Variants in FHIT observed in about 807,000 individuals in gnomAD.
The protein encoded by FHIT is bis(5'-adenosyl)-triphosphatase.
A neutral mutation model predicts 17.9 loss-of-function variants in FHIT; 19 were observed. That is an observed-to-expected ratio of 1.06 (90% CI 0.74 to 1.56). The LOEUF (loss-of-function observed/expected upper bound fraction) is 1.56. FHIT is among the 40% of genes most tolerant of loss of function. The probability of loss-of-function intolerance (pLI) is 0.00; values close to 1 mark genes in which losing one functional copy is unlikely to be tolerated. For synonymous variants in FHIT, 81 were observed against 69.7 expected (o/e 1.16, Z -0.81); for missense variants, 248 against 189.2 (o/e 1.31, Z -1.82).
rs1347692858 is a variant in FHIT, at chr3:61,206,283, A to G, written c.-212-5618T>C. On this transcript the variant is annotated intron_variant, in intron 1 of 9. Coordinates refer to ENST00000492590, the MANE Select transcript of FHIT (RefSeq NM_002012.4). ...TCCAGCTCTGTTCTTTTGGCTTAGG[A>G]TTGACTTGGTGATGCAGGCTCTTTT... Among the ~76,000 whole-genome samples, 2 of 130,372 alleles carry G rather than the reference A, an allele frequency of 1.5e-5. 1 individual carries two copies. Among genetic ancestry groups the G allele is most frequent in the Non-Finnish European group, 3.3e-5 (2 of 61,358 alleles). 85.5% of individuals were successfully genotyped at this position (130,372 alleles called of 152,430 possible). A position where few individuals can be genotyped will look rare whatever the true frequency, so the allele number is the denominator to read the frequency against.
intron 3 of FHIT, among the ~76,000 whole-genome samples, chr3:61,004,875 A>T (rs1475589844): frequency 6.6e-6 from 1 of 152,214 alleles, no homozygotes; most frequent in Non-Finnish European, 1.5e-5. Flanking sequence ...ATGCACTCAA[A>T]CATACCTCAA....
chr3:60,554,160 G>T (rs1382809352), intron 4 of FHIT, among the ~76,000 whole-genome samples: 1 of 151,740 alleles, frequency 6.6e-6, no homozygotes, highest in Admixed American at 6.6e-5. Context: ...TTTCTACACT[G>T]AAGGACAAAG....
intron 4 of FHIT, among the ~76,000 whole-genome samples, chr3:60,569,755 A>ATATATATATATATATATATATT: frequency 6.5e-5 from 5 of 77,336 alleles, no homozygotes; most frequent in African/African-American, 1.5e-4. Flanking sequence ...ATATATATAT[A>ATATATATATATATATATATATT]TTTTTTTTTT....
chr3:60,461,298 A>AC (rs1487122239), intron 5 of FHIT, among the ~76,000 whole-genome samples: 1 of 152,162 alleles, frequency 6.6e-6, no homozygotes, highest in Non-Finnish European at 1.5e-5. Flanking sequence ...AATGGTAGAA[A>AC]CCCAAGACGT....
At chr3:59,933,942 C>G (rs762285083) in intron 7 of FHIT, among the ~76,000 whole-genome samples, 1 of 152,052 alleles carries the variant, frequency 6.6e-6, no homozygotes. Context: ...TTCATGAAAC[C>G]TCCAACATGT....
At chr3:61,228,775 A>G (rs1385078922) in intron 1 of FHIT, among the ~76,000 whole-genome samples, 1 of 152,216 alleles carries the variant, frequency 6.6e-6, no homozygotes, top group Non-Finnish European at 1.5e-5. Context: ...TGAACTTCAC[A>G]TAAGAAACCT....
rs898546207 is a variant in FHIT at position 60,528,680 on chromosome 3, C to G, written c.103+8180G>C. Among the ~76,000 whole-genome samples, 11 of 152,266 alleles carry G rather than the reference C, an allele frequency of 7.2e-5. No homozygotes were observed. The East Asian group carries it at 2.1e-3, about 29-fold the overall frequency. On this transcript the variant is annotated intron_variant, in intron 5 of 9. Coordinates refer to ENST00000492590, the MANE Select transcript of FHIT (RefSeq NM_002012.4). ...AAAGGAGCTTCTTCCATCTGTTTTTCTCCCTCTAAAATCTCCCTCTAAAAT... is the reference window on the plus strand; with the variant it reads ...AAAGGAGCTTCTTCCATCTGTTTTTGTCCCTCTAAAATCTCCCTCTAAAAT...
At chr3:59,960,728 T>G (rs1707633876) in intron 7 of FHIT, among the ~76,000 whole-genome samples, 1 of 152,230 alleles carries the variant, frequency 6.6e-6, no homozygotes, top group African/African-American at 2.4e-5. Flanking sequence ...TGCATCTTTC[T>G]TCCTCTTGCG....
intron 8 of FHIT, among the ~76,000 whole-genome samples, chr3:59,814,252 G>A (rs1575538471): frequency 6.6e-6 from 1 of 152,234 alleles, no homozygotes; most frequent in South Asian, 2.1e-4. Context: ...CGTCTGTGGT[G>A]TATTTCAGAC....
chr3:60,626,803 T>TA (rs1553681107), intron 4 of FHIT, among the ~76,000 whole-genome samples: 8 of 67,410 alleles, frequency 1.2e-4, no homozygotes, highest in African/African-American at 1.4e-4. Flanking sequence ...TTTTTTTTTT[T>TA]ACGTTAAGTA....
At chr3:60,803,139 C>T (rs1175857842) in intron 4 of FHIT, among the ~76,000 whole-genome samples, 3 of 152,148 alleles carry the variant, frequency 2.0e-5, no homozygotes, top group African/African-American at 7.2e-5. Flanking sequence ...CCGGTTAGTA[C>T]TTACTGGGCA....
chr3:60,111,856 A>C (rs1307708669), intron 5 of FHIT, among the ~76,000 whole-genome samples: 1 of 152,162 alleles, frequency 6.6e-6, no homozygotes, highest in African/African-American at 2.4e-5. Context: ...CTCCCCATTG[A>C]CATCTAAGAG....
intron 3 of FHIT, among the ~76,000 whole-genome samples, chr3:60,871,233 A>C (rs1391282248): frequency 2.0e-5 from 3 of 152,262 alleles, no homozygotes; most frequent in East Asian, 1.9e-4. Flanking sequence ...CCCGTTTTGC[A>C]TATTTTAACA....
At chr3:60,849,614 T>A (rs1703066735) in intron 3 of FHIT, among the ~76,000 whole-genome samples, 1 of 152,002 alleles carries the variant, frequency 6.6e-6, no homozygotes, top group South Asian at 2.1e-4. Flanking sequence ...TTGATTCCGA[T>A]CTGATCTCTA....
At chr3:61,236,061 A>G (rs563378686) in intron 1 of FHIT, among the ~76,000 whole-genome samples, 2 of 151,798 alleles carry the variant, frequency 1.3e-5, no homozygotes, top group Non-Finnish European at 2.9e-5. Context: ...TACTATCCCC[A>G]TTTTTAGATG....
chr3:60,057,961 G>A (rs555956281), intron 5 of FHIT, among the ~76,000 whole-genome samples: 3 of 151,466 alleles, frequency 2.0e-5, no homozygotes, highest in Non-Finnish European at 4.4e-5. Context: ...GCAAACAGCA[G>A]GACCTAGACC....
intron 2 of FHIT, among the ~76,000 whole-genome samples, chr3:61,073,102 T>C (rs1384714525): frequency 2.0e-5 from 3 of 152,008 alleles, no homozygotes; most frequent in African/African-American, 4.8e-5. Flanking sequence ...AAAAACAAAA[T>C]CTTGAACAAC....
chr3:60,795,063 A>C (rs1176812589), intron 4 of FHIT, among the ~76,000 whole-genome samples: 4 of 152,160 alleles, frequency 2.6e-5, no homozygotes, highest in African/African-American at 9.7e-5. Context: ...AAGGACACAC[A>C]CTTTTACTCA....
intron 3 of FHIT, among the ~76,000 whole-genome samples, chr3:61,039,063 A>C (rs2033383887): frequency 6.6e-6 from 1 of 152,160 alleles, no homozygotes; most frequent in East Asian, 1.9e-4. Flanking sequence ...TTTAAAGGGG[A>C]TCACTTAAAA....
Sources: allele counts gnomAD v4.1 joint callset (sites outside exome capture counted in the v4.1 genomes callset), GRCh38; gene constraint gnomAD v4.1.1; transcripts MANE v1.5; gene names NCBI Gene and HGNC (gene_info 2026-07-23, HGNC 2026-07-21).